Variants in N4BP2L2 observed in about 807,000 individuals in gnomAD.
The protein encoded by N4BP2L2 is NEDD4 binding protein 2 like 2, also known as NEDD4-binding protein 2-like 2.
Under a neutral mutation model 56.2 loss-of-function variants are expected in N4BP2L2, and 50 were observed. The ratio of observed to expected loss-of-function variants is 0.89; its 90% CI spans 0.71 to 1.13. The LOEUF is 1.13. Ranked by LOEUF, N4BP2L2 falls within the 50% of genes most tolerant of loss-of-function variation. The pLI is 0.00. For missense variants in N4BP2L2, 689 were observed against 693.8 expected, an observed-to-expected ratio of 0.99 and a Z score of 0.08; for synonymous variants, 203 against 223.6, an observed-to-expected ratio of 0.91 and a Z score of 0.82.
intron 6 of N4BP2L2, among the ~76,000 whole-genome samples, chr13:32,462,481 A>C (rs1485720224): frequency 6.6e-6 from 1 of 152,092 alleles, no homozygotes; most frequent in Admixed American, 6.5e-5. Context: ...GAATGGATGA[A>C]GAGAGGTTGG....
intron 6 of N4BP2L2, among the ~76,000 whole-genome samples, chr13:32,460,434 T>G (rs1017511259): frequency 1.3e-5 from 2 of 152,136 alleles, no homozygotes; most frequent in Non-Finnish European, 2.9e-5. Flanking sequence ...AATTCTTAAT[T>G]TGATAAACAA....
chr13:32,500,544 T>TGCAAAA (rs201197139), intron 6 of N4BP2L2, among the ~76,000 whole-genome samples: 1 of 71,520 alleles, frequency 1.4e-5, no homozygotes, highest in African/African-American at 5.9e-5. Flanking sequence ...ATCCTGTCTC[T>TGCAAAA]ACAAAAAAAA....
intron 6 of N4BP2L2, among the ~76,000 whole-genome samples, chr13:32,502,018 T>C (rs1468104826): frequency 6.6e-6 from 1 of 151,220 alleles, no homozygotes; most frequent in Non-Finnish European, 1.5e-5. Context: ...ATAAATTCGA[T>C]AATGAAAAAA....
chr13:32,519,320 G>A (rs1284634783), intron 5 of N4BP2L2, among the ~76,000 whole-genome samples: 1 of 151,902 alleles, frequency 6.6e-6, no homozygotes, highest in African/African-American at 2.4e-5. Flanking sequence ...AAGGTGGGTA[G>A]ATCGCTTGAG....
chr13:32,497,951 T>C (rs1182918277), intron 6 of N4BP2L2, among the ~76,000 whole-genome samples: 1 of 149,362 alleles, frequency 6.7e-6, no homozygotes, highest in Admixed American at 6.7e-5. Context: ...TGAGAATAAG[T>C]AAAAAAAAAA....
intron 6 of N4BP2L2, among the ~76,000 whole-genome samples, chr13:32,494,921 A>G (rs1456328934): frequency 1.3e-5 from 2 of 152,170 alleles, no homozygotes; most frequent in Admixed American, 1.3e-4. Flanking sequence ...TCCTCTGCAC[A>G]AGTCTTCAGA....
chr13:32,521,483 G>A (rs621450), intron 4 of N4BP2L2, 34 bp from the exon 5 acceptor site: 541,121 of 1,457,666 alleles, frequency 0.37, 102,478 homozygotes, highest in East Asian at 0.47. Flanking sequence ...CAAAAACCCA[G>A]AGAAGTACTT....
chr13:32,487,310 C>G (rs1043069293), intron 6 of N4BP2L2, among the ~76,000 whole-genome samples: 1 of 151,012 alleles, frequency 6.6e-6, no homozygotes, highest in Non-Finnish European at 1.5e-5. Flanking sequence ...CCCATCTCTA[C>G]CAAAAAAGTA....
chr13:32,498,659 A>T (rs1393197640), intron 6 of N4BP2L2, among the ~76,000 whole-genome samples: 1 of 152,008 alleles, frequency 6.6e-6, no homozygotes, highest in African/African-American at 2.4e-5. Flanking sequence ...TCACTTCTTT[A>T]TTATACATTA....
At chr13:32,487,031 C>G (rs1479744642) in intron 6 of N4BP2L2, among the ~76,000 whole-genome samples, 1 of 151,566 alleles carries the variant, frequency 6.6e-6, no homozygotes, top group Non-Finnish European at 1.5e-5. Flanking sequence ...AGAAAGCAAG[C>G]AAGAAATTAA....
intron 1 of N4BP2L2, among the ~76,000 whole-genome samples, chr13:32,538,396 T>G (rs370481682): frequency 2.0e-5 from 3 of 152,232 alleles, no homozygotes; most frequent in African/African-American, 7.2e-5. Flanking sequence ...GCCTCCAGAC[T>G]TCCAGAGTGA....
chr13:32,527,352 G>A (rs530332777), intron 3 of N4BP2L2, 56 bp downstream of exon 3: 1 of 1,579,350 alleles, frequency 6.3e-7, no homozygotes, highest in East Asian at 2.3e-5. Flanking sequence ...ATAAAATCTA[G>A]GTCTTTTGAC....
At chr13:32,500,095 T>C (rs1283878936) in intron 6 of N4BP2L2, among the ~76,000 whole-genome samples, 1 of 152,186 alleles carries the variant, frequency 6.6e-6, no homozygotes, top group Non-Finnish European at 1.5e-5. Context: ...TTTTCACTGC[T>C]TGCTGCCTTG....
chr13:32,536,009 C>T (rs1019497435), exon 2 of N4BP2L2: 3 of 1,613,624 alleles, frequency 1.9e-6, no homozygotes, highest in African/African-American at 1.3e-5. Flanking sequence ...ATTCTCACTA[C>T]AGTCAGTATA....
At chr13:32,433,862 C>T (rs1213347435) in intron 9 of N4BP2L2, among the ~76,000 whole-genome samples, 5 of 135,692 alleles carry the variant, frequency 3.7e-5, no homozygotes, top group African/African-American at 1.4e-4. Flanking sequence ...CCCAGGAAGG[C>T]AGAGACTGCA....
intron 9 of N4BP2L2, chr13:32,432,991 C>T (rs767098537): frequency 6.6e-6 from 1 of 152,186 alleles, no homozygotes; most frequent in Non-Finnish European, 1.5e-5. Context: ...AAACACAAGC[C>T]CAGACAAGAC....
At chr13:32,468,648 G>T (rs1012926147) in intron 6 of N4BP2L2, among the ~76,000 whole-genome samples, 2 of 152,218 alleles carry the variant, frequency 1.3e-5, no homozygotes, top group Non-Finnish European at 2.9e-5. Flanking sequence ...TTGGACATCT[G>T]GGACAGAGTG....
chr13:32,465,684 C>T (rs951308790), intron 6 of N4BP2L2, among the ~76,000 whole-genome samples: 1 of 152,166 alleles, frequency 6.6e-6, no homozygotes, highest in African/African-American at 2.4e-5. Flanking sequence ...GACAAAGTCT[C>T]CCTCTGCCAC....
intron 7 of N4BP2L2, among the ~76,000 whole-genome samples, chr13:32,440,777 G>A (rs1400942063): frequency 6.6e-6 from 1 of 151,398 alleles, no homozygotes; most frequent in Non-Finnish European, 1.5e-5. Flanking sequence ...AAGAAATTTA[G>A]TTGGAATATT....
Sources: allele counts gnomAD v4.1 joint callset (sites outside exome capture counted in the v4.1 genomes callset), GRCh38; gene constraint gnomAD v4.1.1; transcripts MANE v1.5; gene names NCBI Gene and HGNC (gene_info 2026-07-23, HGNC 2026-07-21).